Variants in TAFA4 observed in about 807,000 individuals in gnomAD.
TAFA4 encodes chemokine-like protein TAFA-4.
A neutral mutation model predicts 21.1 loss-of-function variants in TAFA4; 20 were observed. The observed-to-expected ratio is 0.95, with a 90% CI of 0.67 to 1.38. The LOEUF (loss-of-function observed/expected upper bound fraction) is 1.38. Ranked by LOEUF, TAFA4 falls within the 40% of genes most tolerant of loss-of-function variation. The pLI, the probability that TAFA4 is intolerant of heterozygous loss-of-function variation, is 0.00. For missense variants in TAFA4, 211 were observed against 180.9 expected, an observed-to-expected ratio of 1.17 and a Z score of -0.95; for synonymous variants, 71 against 67.4, an observed-to-expected ratio of 1.05 and a Z score of -0.26.
At chr3:68,860,256 T>C (rs527636824) in intron 3 of TAFA4, among the ~76,000 whole-genome samples, 1 of 152,306 alleles carries the variant, frequency 6.6e-6, no homozygotes, top group South Asian at 2.1e-4. Flanking sequence ...ACATGGCACC[T>C]ACCTAATGAA....
At chr3:68,786,353 C>A (rs1703261457) in intron 3 of TAFA4, among the ~76,000 whole-genome samples, 1 of 152,168 alleles carries the variant, frequency 6.6e-6, no homozygotes, top group African/African-American at 2.4e-5. Flanking sequence ...ACAGTACCAG[C>A]TACCCAGGAG....
chr3:68,788,692 G>A (rs1703308293), intron 3 of TAFA4, among the ~76,000 whole-genome samples: 1 of 152,074 alleles, frequency 6.6e-6, no homozygotes, highest in African/African-American at 2.4e-5. Context: ...GATCACTGCA[G>A]CCTCCAACTC....
intron 3 of TAFA4, among the ~76,000 whole-genome samples, chr3:68,877,718 GC>G (rs1380923662): frequency 6.6e-6 from 1 of 152,112 alleles, no homozygotes; most frequent in Non-Finnish European, 1.5e-5. Flanking sequence ...GAAAAAACAA[GC>G]CTTTTTCTCT....
intron 3 of TAFA4, among the ~76,000 whole-genome samples, chr3:68,833,525 T>G (rs1273631780): frequency 6.6e-6 from 1 of 152,166 alleles, no homozygotes; most frequent in East Asian, 1.9e-4. Context: ...TTATTTTGAC[T>G]ACCTAAAGCA....
intron 3 of TAFA4, among the ~76,000 whole-genome samples, chr3:68,805,425 A>G (rs748690905): frequency 2.6e-5 from 4 of 152,208 alleles, no homozygotes; most frequent in African/African-American, 9.7e-5. Flanking sequence ...AACTAGAAAT[A>G]CCATTTGACC....
intron 3 of TAFA4, among the ~76,000 whole-genome samples, chr3:68,831,256 T>G (rs1704383603): frequency 6.6e-6 from 1 of 152,198 alleles, no homozygotes; most frequent in South Asian, 2.1e-4. Flanking sequence ...ATTTCACCCA[T>G]TAATTGATGC....
At chr3:68,733,250 T>C in intron 5 of TAFA4, 97 bp from the exon 6 acceptor site, 1 of 1,452,824 alleles carries the variant, frequency 6.9e-7, no homozygotes, top group South Asian at 1.3e-5. Flanking sequence ...CTGTGAATAC[T>C]TTATCAGTTT....
intron 3 of TAFA4, among the ~76,000 whole-genome samples, chr3:68,822,477 C>T (rs997880006): frequency 2.0e-5 from 3 of 151,900 alleles, no homozygotes; most frequent in Admixed American, 6.6e-5. Flanking sequence ...TTCTTTTTTT[C>T]TCTCTCTCTC....
chr3:68,872,573 G>C (rs960269584), intron 3 of TAFA4, among the ~76,000 whole-genome samples: 1 of 152,124 alleles, frequency 6.6e-6, no homozygotes, highest in African/African-American at 2.4e-5. Flanking sequence ...CCAACATAAA[G>C]AAAGGGTGAA....
intron 1 of TAFA4, among the ~76,000 whole-genome samples, chr3:68,911,184 G>A (rs557757360): frequency 3.9e-5 from 6 of 152,316 alleles, no homozygotes; most frequent in Non-Finnish European, 8.8e-5. Flanking sequence ...CAAGCCAATC[G>A]ATAAAATGAA....
intron 3 of TAFA4, among the ~76,000 whole-genome samples, chr3:68,775,999 C>T (rs777456260): frequency 6.6e-6 from 1 of 151,878 alleles, no homozygotes; most frequent in Non-Finnish European, 1.5e-5. Flanking sequence ...AAACTGTCAA[C>T]CCAAAATGTT....
intron 3 of TAFA4, among the ~76,000 whole-genome samples, chr3:68,827,615 T>C (rs1026212759): frequency 2.0e-5 from 3 of 152,240 alleles, no homozygotes; most frequent in Admixed American, 6.5e-5. Flanking sequence ...GTGGTTTTGA[T>C]TTGCATTTCT....
intron 3 of TAFA4, among the ~76,000 whole-genome samples, chr3:68,759,232 A>G (rs1702715445): frequency 6.6e-6 from 1 of 152,218 alleles, no homozygotes; most frequent in Admixed American, 6.5e-5. Flanking sequence ...AGGCCCACCT[A>G]CATTTGAAAG....
chr3:68,840,351 G>A (rs949766947), intron 3 of TAFA4, among the ~76,000 whole-genome samples: 10 of 152,202 alleles, frequency 6.6e-5, no homozygotes, highest in Middle Eastern at 3.4e-3. Context: ...TGGGACCACA[G>A]GCATGTGCCA....
In TAFA4 at chr3:68,917,740, C is replaced by T. The variant is rs143321901; in HGVS notation, c.-123+14500G>A. On this transcript the variant is annotated intron_variant, in intron 1 of 5. Coordinates refer to ENST00000295569, the MANE Select transcript of TAFA4 (RefSeq NM_182522.5). ...CTGCACTCCAGCCTGGACGACAGAG[C>T]GAGACTCTGTCTCAAAAAAAAAAAA... Among the ~76,000 whole-genome samples the T allele has an allele frequency of 2.4e-3, 282 of 117,424 alleles. 1 individual carries two copies. Among genetic ancestry groups the T allele is most frequent in the African/African-American group, 9.3e-3 (271 of 29,192 alleles). The allele number at this position is 117,424 out of a possible 152,430, so 77.0% of individuals were successfully genotyped here.
At chr3:68,742,422 A>C (rs1230181215) in intron 4 of TAFA4, among the ~76,000 whole-genome samples, 1 of 126,566 alleles carries the variant, frequency 7.9e-6, no homozygotes, top group East Asian at 3.6e-4. Flanking sequence ...GTTTGACTCA[A>C]ACTATGCTGC....
At chr3:68,852,255 AAGG>A (rs1312485389) in intron 3 of TAFA4, among the ~76,000 whole-genome samples, 4 of 152,232 alleles carry the variant, frequency 2.6e-5, no homozygotes, top group East Asian at 3.9e-4. Context: ...CATGCATCTA[AAGG>A]AGGAGTGGCT....
At chr3:68,869,556 C>T (rs1332913793) in intron 3 of TAFA4, among the ~76,000 whole-genome samples, 1 of 152,074 alleles carries the variant, frequency 6.6e-6, no homozygotes, top group Non-Finnish European at 1.5e-5. Flanking sequence ...GATGGTTCAA[C>T]ATATGCAAAT....
At chr3:68,779,475 T>C (rs2106794061) in intron 3 of TAFA4, among the ~76,000 whole-genome samples, 1 of 151,964 alleles carries the variant, frequency 6.6e-6, no homozygotes, top group African/African-American at 2.4e-5. Context: ...GAGGAAAAAA[T>C]GGTTTCATGA....
Sources: gnomAD v4.1 joint callset for allele counts (sites outside exome capture counted in the v4.1 genomes callset) on GRCh38, gnomAD v4.1.1 for gene constraint, MANE v1.5 for transcripts, NCBI Gene and HGNC (gene_info 2026-07-23, HGNC 2026-07-21) for gene names.